Variants in CLCN3 observed in about 807,000 individuals in gnomAD.
CLCN3 encodes the protein H(+)/Cl(-) exchange transporter 3.
In CLCN3, 16 loss-of-function variants were observed where a neutral mutation model predicts 83.4. The ratio of observed to expected loss-of-function variants is 0.19; its 90% CI spans 0.13 to 0.29. The LOEUF (loss-of-function observed/expected upper bound fraction) is 0.29, where lower values mean the gene tolerates loss of function less well. CLCN3 is among the 10% of genes least tolerant of loss of function. The pLI is 1.00. For missense variants in CLCN3, 544 were observed against 1,006.0 expected (o/e 0.54, Z 6.21); for synonymous variants, 322 against 346.2 (o/e 0.93, Z 0.78).
At chr4:169,662,914 G>GA (rs1408424690) in intron 2 of CLCN3, among the ~76,000 whole-genome samples, 1 of 151,750 alleles carries the variant, frequency 6.6e-6, no homozygotes, top group Middle Eastern at 3.2e-3. Flanking sequence ...TTTTTATCAG[G>GA]AAAAAAGACT....
At chr4:169,628,937 A>G (rs1322980107) in intron 1 of CLCN3, among the ~76,000 whole-genome samples, 3 of 152,264 alleles carry the variant, frequency 2.0e-5, no homozygotes, top group Non-Finnish European at 4.4e-5. Flanking sequence ...ACTGTGGCAT[A>G]TCTGTTATCA....
chr4:169,621,332 A>G (rs956024471), intron 1 of CLCN3, among the ~76,000 whole-genome samples: 1 of 152,218 alleles, frequency 6.6e-6, no homozygotes, highest in Admixed American at 6.5e-5. Context: ...CTTTAAACTT[A>G]GAGGAGTGGG....
chr4:169,714,623 G>A (rs1733356926), intron 12 of CLCN3, among the ~76,000 whole-genome samples: 1 of 152,056 alleles, frequency 6.6e-6, no homozygotes, highest in Admixed American at 6.5e-5. Context: ...CTCTTTCTTT[G>A]TGATTTCTTA....
chr4:169,680,612 A>G (rs1205543899), intron 3 of CLCN3: 1 of 154,536 alleles, frequency 6.5e-6, no homozygotes, highest in Non-Finnish European at 1.4e-5. Context: ...AAAAGAAGAA[A>G]TCTACTGGGG....
intron 2 of CLCN3, chr4:169,660,131 C>T (rs1175235600): frequency 4.6e-6 from 5 of 1,094,326 alleles, no homozygotes; most frequent in East Asian, 5.3e-5. Context: ...AAGGCTGTGC[C>T]GCCTCTAAGC....
intron 2 of CLCN3, chr4:169,663,508 A>AG (rs1731139051): frequency 1.0e-5 from 3 of 291,636 alleles, no homozygotes; most frequent in Non-Finnish European, 2.0e-5. Flanking sequence ...TTAAAAAACA[A>AG]AATTTTTTTT....
intron 8 of CLCN3, among the ~76,000 whole-genome samples, 177 bp downstream of exon 8, chr4:169,695,869 C>G (rs1220615832): frequency 6.6e-6 from 1 of 152,072 alleles, no homozygotes; most frequent in Non-Finnish European, 1.5e-5. Context: ...TGCTCCATAC[C>G]TGGAGGAAAC....
chr4:169,678,821 T>C (rs1018282393), intron 2 of CLCN3, among the ~76,000 whole-genome samples: 9 of 152,262 alleles, frequency 5.9e-5, no homozygotes, highest in African/African-American at 2.2e-4. Flanking sequence ...TACTTCTTTC[T>C]ACACAGACAC....
At chr4:169,701,023 T>G (rs767368531) in intron 9 of CLCN3, among the ~76,000 whole-genome samples, 2 of 151,644 alleles carry the variant, frequency 1.3e-5, no homozygotes, top group Non-Finnish European at 2.9e-5. Context: ...TGATTGACAC[T>G]GCCTTTCATG....
intron 11 of CLCN3, among the ~76,000 whole-genome samples, chr4:169,712,370 T>A (rs917982014): frequency 6.6e-6 from 1 of 151,330 alleles, no homozygotes; most frequent in African/African-American, 2.4e-5. Flanking sequence ...TCATTCAGAT[T>A]TTTTTTTTAG....
Position 169,636,037 on chromosome 4 carries a change from G to C in CLCN3, c.109G>C (p.Asp37His). The change falls in exon 2 of 13, where the codon GAC becomes CAC. Residue 37 changes from aspartate (D) to histidine (H), a missense_variant. Coordinates refer to ENST00000513761, the MANE Select transcript of CLCN3 (RefSeq NM_001829.4). Reference protein sequence around the residue: ...ELLDGAGVIMDFQTSEDDNLL... With the variant: ...ELLDGAGVIMHFQTSEDDNLL... ...TTTAGATGGAGCAGGTGTTATTATG[G>C]ACTTTCAAACATCTGAAGATGACAA... is the stretch of plus-strand genomic sequence containing the variant. The C allele has an allele frequency of 6.2e-7, 1 of 1,613,280 alleles. No homozygotes were observed. The highest frequency in any genetic ancestry group is 8.5e-7 in the Non-Finnish European group (1 of 1,179,578).
At chr4:169,690,137 C>CG (rs1732307856) in intron 5 of CLCN3, among the ~76,000 whole-genome samples, 1 of 110,464 alleles carries the variant, frequency 9.1e-6, no homozygotes, top group Non-Finnish European at 1.7e-5. Flanking sequence ...TCTTTTCTTT[C>CG]TTTTTTTTTT....
At chr4:169,645,551 C>T (rs1730551021) in intron 2 of CLCN3, among the ~76,000 whole-genome samples, 1 of 152,058 alleles carries the variant, frequency 6.6e-6, no homozygotes, top group Non-Finnish European at 1.5e-5. Context: ...TAGGATAGAA[C>T]ATATTAATAG....
chr4:169,696,808 G>A (rs1732580728), intron 8 of CLCN3, among the ~76,000 whole-genome samples: 1 of 137,914 alleles, frequency 7.3e-6, no homozygotes, highest in South Asian at 2.2e-4. Context: ...TTAGTTGTTT[G>A]TATTCTTTTT....
intron 1 of CLCN3, among the ~76,000 whole-genome samples, chr4:169,623,387 A>G (rs1773154213): frequency 6.6e-6 from 1 of 152,052 alleles, no homozygotes; most frequent in African/African-American, 2.4e-5. Context: ...TTTATTTTTA[A>G]TTGACAGATA....
intron 2 of CLCN3, among the ~76,000 whole-genome samples, chr4:169,669,140 A>T (rs1731364424): frequency 6.6e-6 from 1 of 152,236 alleles, no homozygotes; most frequent in Admixed American, 6.5e-5. Flanking sequence ...ATAAATGGAT[A>T]ATATGATTAT....
chr4:169,665,136 A>G (rs1257999611), intron 2 of CLCN3, among the ~76,000 whole-genome samples: 3 of 152,214 alleles, frequency 2.0e-5, no homozygotes, highest in Non-Finnish European at 4.4e-5. Flanking sequence ...ATATTTGCAG[A>G]CATAATAATT....
rs1001724531 is a variant in CLCN3 at position 169,721,513 on chromosome 4, G to A, written c.*1516G>A. On this transcript the variant is annotated 3_prime_UTR_variant, in exon 13 of 13. Transcript: ENST00000513761. ...ATTACTTTGGAGAATAAAACCGAAA[G>A]TTCGTGTATACCTTCTTAAAAAAAA... The A allele has an allele frequency of 2.0e-5, 3 of 151,116 alleles. No homozygotes were observed. The highest frequency in any genetic ancestry group is 7.4e-5 in the African/African-American group (3 of 40,476). 9.4% of individuals were successfully genotyped at this position (151,116 alleles called of 1,614,324 possible).
In CLCN3 at chr4:169,689,363, A is replaced by G. The variant is rs72696608; in HGVS notation, c.606+133A>G. ...AATGGATCCACCCTCAACACATTGC[A>G]GCAAGAAAGAATTAAGTGCAATATT... On this transcript the variant is annotated intron_variant, in intron 5 of 12. Transcript: ENST00000513761. 5.7e-3 allele frequency: 3,808 copies of G among 671,644 alleles called. 67 individuals carry two copies. The highest frequency in any genetic ancestry group is 0.036 in the South Asian group (1,392 of 38,488). The allele number at this position is 671,644 out of a possible 1,614,324, so 41.6% of individuals were successfully genotyped here.
Sources: allele counts gnomAD v4.1 joint callset (sites outside exome capture counted in the v4.1 genomes callset), GRCh38; gene constraint gnomAD v4.1.1; transcripts MANE v1.5; gene names NCBI Gene and HGNC (gene_info 2026-07-23, HGNC 2026-07-21).